The following LYZL2 variants were observed in gnomAD, a reference collection of about 807,000 sequenced individuals.
LYZL2 encodes lysozyme like 2, also known as lysozyme-like protein 2.
LYZL2 carries 13 observed loss-of-function variants against 17.1 expected under a neutral mutation model. The observed-to-expected ratio is 0.76, with a 90% CI of 0.49 to 1.21. The LOEUF (loss-of-function observed/expected upper bound fraction) is 1.21, where lower values mean the gene tolerates loss of function less well. Ranked by LOEUF, LYZL2 falls within the 50% of genes most tolerant of loss-of-function variation. LYZL2 has a pLI of 0.00. For missense variants in LYZL2, 166 were observed against 189.2 expected, an observed-to-expected ratio of 0.88 and a Z score of 0.72; for synonymous variants, 63 against 74.4, an observed-to-expected ratio of 0.85 and a Z score of 0.79.
chr10:30,616,874 T>C (rs1334760586), intron 3 of LYZL2, among the ~76,000 whole-genome samples: 2 of 17,866 alleles, frequency 1.1e-4, no homozygotes, highest in African/African-American at 8.3e-4. Flanking sequence ...AAATATACTT[T>C]TAATTTTTCT....
At chr10:30,621,400 C>A (rs1016150273) in intron 3 of LYZL2, among the ~76,000 whole-genome samples, 1 of 150,506 alleles carries the variant, frequency 6.6e-6, no homozygotes, top group South Asian at 2.2e-4. Flanking sequence ...GGTAACATGA[C>A]GAGACCCCAT....
At chr10:30,609,875 T>G (rs1234677405), downstream of LYZL2, among the ~76,000 whole-genome samples, 1 of 152,198 alleles carries the variant, frequency 6.6e-6, no homozygotes, top group African/African-American at 2.4e-5. Flanking sequence ...ATTATAGAAA[T>G]AAATCAAATA....
chr10:30,628,970 G>T (rs1838762646), intron 1 of LYZL2, among the ~76,000 whole-genome samples: 2 of 152,330 alleles, frequency 1.3e-5, no homozygotes, highest in African/African-American at 4.8e-5. Context: ...GAGTTGAGTA[G>T]CTGTGTTAGA....
chr10:30,606,372 G>C, the LYZL2 span, among the ~76,000 whole-genome samples: 109 of 93,962 alleles, frequency 1.2e-3, no homozygotes, highest in South Asian at 0.015. Flanking sequence ...TTTTTTTTTA[G>C]AGATAGGGTC....
chr10:30,618,610 A>T (rs1456090982), intron 3 of LYZL2, among the ~76,000 whole-genome samples: 1 of 152,240 alleles, frequency 6.6e-6, no homozygotes, highest in Non-Finnish European at 1.5e-5. Context: ...TGCTGGGAAA[A>T]TTGGCAGGCC....
intron 3 of LYZL2, among the ~76,000 whole-genome samples, chr10:30,618,408 C>T (rs1838568565): frequency 6.6e-6 from 1 of 152,210 alleles, no homozygotes; most frequent in African/African-American, 2.4e-5. Flanking sequence ...AGGCATCACG[C>T]TACCTGACTT....
At chr10:30,611,554 GGAAGGAAGGAAGGAAGGAAA>G (rs1219726410), downstream of LYZL2, among the ~76,000 whole-genome samples, 569 of 85,232 alleles carry the variant, frequency 6.7e-3, 3 homozygotes, top group East Asian at 0.019. Context: ...AAGGAAGGAA[GGAAGGAAGGAAGGAAGGAAA>G]GAAAGAAAGA....
At chr10:30,613,870 C>A (rs1369439784) in intron 3 of LYZL2, among the ~76,000 whole-genome samples, 1 of 152,092 alleles carries the variant, frequency 6.6e-6, no homozygotes, top group Non-Finnish European at 1.5e-5. Context: ...TATGCACCAC[C>A]ACGCCTGACC....
chr10:30,615,029 G>A (rs1838505102), intron 3 of LYZL2, among the ~76,000 whole-genome samples: 1 of 152,174 alleles, frequency 6.6e-6, no homozygotes, highest in Non-Finnish European at 1.5e-5. Context: ...ATGGAGAAAT[G>A]CTCCCAATGC....
At chr10:30,621,608 C>T (rs2132945699) in intron 3 of LYZL2, among the ~76,000 whole-genome samples, 1 of 152,162 alleles carries the variant, frequency 6.6e-6, no homozygotes, top group South Asian at 2.1e-4. Flanking sequence ...ACAATAACAA[C>T]TTGAGGTGGA....
At chr10:30,611,771 G>C (rs1353819185), downstream of LYZL2, 159 of 875,842 alleles carry the variant, frequency 1.8e-4, 2 homozygotes, top group East Asian at 4.9e-3. Context: ...AGAGAAAAGG[G>C]AACCGAGTCA....
chr10:30,611,741 G>T, downstream of LYZL2: 1 of 566,658 alleles, frequency 1.8e-6, no homozygotes, highest in Non-Finnish European at 2.7e-6. Flanking sequence ...AGAAAGGAAA[G>T]AAAGAAAGAA....
Position 30,612,130 on chromosome 10 carries a change from G to T in LYZL2, c.378-106C>A, listed in dbSNP as rs1838456186. Reference sequence around the variant, plus strand: ...AACCAAAATCGCCAGCGGAACCCTGGGTTGGGTTTCATTTGCTTCTGAGAT... The same window carrying T: ...AACCAAAATCGCCAGCGGAACCCTGTGTTGGGTTTCATTTGCTTCTGAGAT... On this transcript the variant is annotated intron_variant, in intron 4 of 4. Coordinates refer to ENST00000647634, the MANE Select transcript of LYZL2 (RefSeq NM_183058.3). 5 of 1,379,282 alleles carry T rather than the reference G, an allele frequency of 3.6e-6. No individual in the cohort carries two copies. The East Asian group carries it at 6.9e-5, about 19-fold the overall frequency. 85.4% of individuals were successfully genotyped at this position (1,379,282 alleles called of 1,614,324 possible). A position where few individuals can be genotyped will look rare whatever the true frequency, so the allele number is the denominator to read the frequency against.
chr10:30,623,594 C>A lies in LYZL2; in HGVS notation c.298+2511G>T, dbSNP rs367907069. Among the ~76,000 whole-genome samples, 16 of 152,194 alleles carry A rather than the reference C, an allele frequency of 1.1e-4. No individual in the cohort carries two copies. In the East Asian group the frequency reaches 1.5e-3, roughly 15 times the overall value. On this transcript the variant is annotated intron_variant, in intron 3 of 4. Transcript: ENST00000647634. ...TAGGTGTGAACTCTACTGTGAACTG[C>A]GCTTGCAAGGGATTTAGGTTACATT...
chr10:30,615,965 T>C (rs1838522375), intron 3 of LYZL2, among the ~76,000 whole-genome samples: 1 of 152,376 alleles, frequency 6.6e-6, no homozygotes, highest in African/African-American at 2.4e-5. Flanking sequence ...AATGCTTTTA[T>C]GTCTTTACTG....
intron 4 of LYZL2, 128 bp downstream of exon 4, chr10:30,612,694 A>G: frequency 1.5e-6 from 1 of 675,160 alleles, no homozygotes. Flanking sequence ...GAGAATATAG[A>G]CAAGGTCTCC....
At chr10:30,628,963 T>C (rs1483867062) in intron 1 of LYZL2, among the ~76,000 whole-genome samples, 1 of 152,104 alleles carries the variant, frequency 6.6e-6, no homozygotes, top group Admixed American at 6.5e-5. Flanking sequence ...AGTGGCAGAG[T>C]TGAGTAGCTG....
chr10:30,611,566 GGAAGGAAAGAAAGAAAGAAAGAAA>G (rs1388716797), downstream of LYZL2, among the ~76,000 whole-genome samples: 216 of 63,158 alleles, frequency 3.4e-3, no homozygotes, highest in African/African-American at 0.012. Flanking sequence ...AAGGAAGGAA[GGAAGGAAAGAAAGAAAGAAAGAAA>G]GAAAGAAAGA....
chr10:30,620,415 C>T (rs1838602204), intron 3 of LYZL2, among the ~76,000 whole-genome samples: 1 of 152,220 alleles, frequency 6.6e-6, no homozygotes, highest in Non-Finnish European at 1.5e-5. Context: ...GCCTTGATAT[C>T]TTCCTCTCTC....
Sources: allele counts gnomAD v4.1 joint callset (sites outside exome capture counted in the v4.1 genomes callset), GRCh38; gene constraint gnomAD v4.1.1; transcripts MANE v1.5; gene names NCBI Gene and HGNC (gene_info 2026-07-23, HGNC 2026-07-21).